DAB1: variants seen among roughly 807,000 people sequenced by gnomAD.
The protein encoded by DAB1 is DAB adaptor protein 1, also known as disabled homolog 1.
A neutral mutation model predicts 64.6 loss-of-function variants in DAB1; 15 were observed. The ratio of observed to expected loss-of-function variants is 0.23; its 90% CI spans 0.16 to 0.36. The LOEUF is 0.36. DAB1 is among the 10% of genes least tolerant of loss of function. The pLI, the probability that DAB1 is intolerant of heterozygous loss-of-function variation, is 1.00. For missense variants in DAB1, 596 were observed against 706.7 expected (o/e 0.84, Z 1.78); for synonymous variants, 235 against 251.9 (o/e 0.93, Z 0.64).
intron 6 of DAB1, among the ~76,000 whole-genome samples, chr1:57,797,675 G>T (rs1472699979): frequency 1.1e-4 from 17 of 152,208 alleles, no homozygotes; most frequent in Admixed American, 1.1e-3. Flanking sequence ...ATGCTTACAA[G>T]CTGTAGAAAG....
At chr1:57,749,020 A>C (rs1057186368) in intron 6 of DAB1, among the ~76,000 whole-genome samples, 1 of 152,238 alleles carries the variant, frequency 6.6e-6, no homozygotes, top group African/African-American at 2.4e-5. Context: ...AGCTCTTGTG[A>C]TTCAATTATT....
chr1:57,820,672 C>T (rs1355480369), intron 6 of DAB1, among the ~76,000 whole-genome samples: 1 of 152,254 alleles, frequency 6.6e-6, no homozygotes, highest in East Asian at 1.9e-4. Flanking sequence ...GAAACTAGTC[C>T]TGATGTTACA....
chr1:57,707,740 C>T (rs1209501929), intron 6 of DAB1, among the ~76,000 whole-genome samples: 1 of 152,100 alleles, frequency 6.6e-6, no homozygotes, highest in Non-Finnish European at 1.5e-5. Flanking sequence ...CTTATTTGTA[C>T]TCATCCTTCT....
chr1:57,023,093 G>T (rs1646674049), intron 11 of DAB1, among the ~76,000 whole-genome samples: 1 of 152,218 alleles, frequency 6.6e-6, no homozygotes, highest in Non-Finnish European at 1.5e-5. Flanking sequence ...TTTGTCTGGG[G>T]ACCTTCCCTT....
chr1:57,244,162 T>G (rs538982133), intron 2 of DAB1, among the ~76,000 whole-genome samples: 2 of 152,224 alleles, frequency 1.3e-5, no homozygotes, highest in Non-Finnish European at 2.9e-5. Context: ...TCCAATTGCA[T>G]TTTCTGTCCC....
upstream of DAB1, among the ~76,000 whole-genome samples, chr1:57,886,421 T>C (rs1457618948): frequency 6.6e-6 from 1 of 152,214 alleles, no homozygotes; most frequent in Non-Finnish European, 1.5e-5. Flanking sequence ...CCTCCCAAAG[T>C]GCTGGGTTAC....
chr1:57,617,583 T>G (rs888329773), intron 7 of DAB1, among the ~76,000 whole-genome samples: 30 of 152,210 alleles, frequency 2.0e-4, no homozygotes, highest in African/African-American at 7.2e-4. Flanking sequence ...CAAGCAACAC[T>G]TCCACTCCTT....
rs978229674 is a variant in DAB1, at chr1:57,875,672, T to A, written n.87+8327A>T. ...AATTAAGCACATAGCAGGTACTCAA[T>A]AAATAATTATTAAAGGATGAATAAA... On this transcript the variant is annotated intron_variant and non_coding_transcript_variant, in intron 1 of 1. Transcript: ENST00000477280. 2.0e-5 allele frequency among the ~76,000 whole-genome samples: 3 copies of A among 152,162 alleles called. 1 individual carries two copies. Among genetic ancestry groups the A allele is most frequent in the African/African-American group, 7.2e-5 (3 of 41,438 alleles).
At chr1:57,647,699 T>C (rs916108445) in intron 7 of DAB1, among the ~76,000 whole-genome samples, 2 of 152,218 alleles carry the variant, frequency 1.3e-5, no homozygotes, top group Non-Finnish European at 2.9e-5. Context: ...TACCCAGATG[T>C]TATTTCCATC....
chr1:57,143,517 C>T (rs542592502), intron 3 of DAB1, among the ~76,000 whole-genome samples: 1 of 152,018 alleles, frequency 6.6e-6, no homozygotes, highest in East Asian at 1.9e-4. Flanking sequence ...ATGCCTTTTT[C>T]TAGTATACTT....
chr1:58,305,793 C>T (rs185579535), intron 4 of DAB1, among the ~76,000 whole-genome samples: 410 of 152,270 alleles, frequency 2.7e-3, no homozygotes, highest in African/African-American at 9.3e-3. Flanking sequence ...CTAAAGGAAA[C>T]ATCTCAAAAT....
chr1:57,263,402 G>A (rs1011450490), intron 2 of DAB1, among the ~76,000 whole-genome samples: 1 of 152,186 alleles, frequency 6.6e-6, no homozygotes, highest in African/African-American at 2.4e-5. Context: ...TTACAGGCAT[G>A]AGCCACTGCG....
rs540718271 is a variant in DAB1 at position 57,250,287 on chromosome 1, C to A, written c.67+40677G>T. Reference sequence around the variant, plus strand: ...TCACCTCAGTTGGCAGGATGCTGTACGCCAATCTGTCTATGTCTGGTAGTA... The same window carrying A: ...TCACCTCAGTTGGCAGGATGCTGTAAGCCAATCTGTCTATGTCTGGTAGTA... On this transcript the variant is annotated intron_variant, in intron 2 of 14. Transcript: ENST00000371236. 2.2e-4 allele frequency among the ~76,000 whole-genome samples: 34 copies of A among 152,256 alleles called. No homozygotes were observed. In the South Asian group the frequency reaches 5.2e-3, roughly 23 times the overall value.
intron 3 of DAB1, among the ~76,000 whole-genome samples, chr1:58,483,870 G>C (rs571033612): frequency 6.6e-6 from 1 of 152,284 alleles, no homozygotes; most frequent in Admixed American, 6.5e-5. Context: ...CAAGTGAGAA[G>C]TTTACCTGTC....
At chr1:57,147,326 A>T (rs1377707070) in intron 2 of DAB1, among the ~76,000 whole-genome samples, 1 of 150,644 alleles carries the variant, frequency 6.6e-6, no homozygotes, top group African/African-American at 2.4e-5. Flanking sequence ...TAAGCCCAGT[A>T]AAAGAAGCAA....
At chr1:57,986,982 C>G (rs1646234980) in intron 5 of DAB1, among the ~76,000 whole-genome samples, 1 of 152,156 alleles carries the variant, frequency 6.6e-6, no homozygotes, top group Non-Finnish European at 1.5e-5. Context: ...ATGAATTGTT[C>G]AAGGTCACTC....
chr1:57,872,692 G>A (rs1018709097), intron 1 of DAB1, among the ~76,000 whole-genome samples: 1 of 152,112 alleles, frequency 6.6e-6, no homozygotes. Flanking sequence ...TGTACCAGAG[G>A]GGTATGGTCA....
intron 7 of DAB1, among the ~76,000 whole-genome samples, chr1:57,600,100 T>TAG (rs1645558774): frequency 6.6e-6 from 1 of 152,144 alleles, no homozygotes; most frequent in African/African-American, 2.4e-5. Flanking sequence ...CATGTCTCTG[T>TAG]GCCCCCTTAG....
intron 11 of DAB1, among the ~76,000 whole-genome samples, chr1:57,018,177 A>C (rs1268987497): frequency 1.3e-5 from 2 of 152,356 alleles, no homozygotes; most frequent in Non-Finnish European, 2.9e-5. Context: ...AACTGTGCAC[A>C]GGAGAGAAGA....
Sources: gnomAD v4.1 joint callset for allele counts (sites outside exome capture counted in the v4.1 genomes callset) on GRCh38, gnomAD v4.1.1 for gene constraint, MANE v1.5 for transcripts, NCBI Gene and HGNC (gene_info 2026-07-23, HGNC 2026-07-21) for gene names.